PPARGC1A: variants seen among roughly 807,000 people sequenced by gnomAD.
PPARGC1A encodes the protein peroxisome proliferator-activated receptor gamma coactivator 1-alpha.
PPARGC1A carries 25 observed loss-of-function variants against 88.7 expected under a neutral mutation model. The ratio of observed to expected loss-of-function variants is 0.28; its 90% CI spans 0.21 to 0.39. The LOEUF is 0.39. Ranked by LOEUF, PPARGC1A falls within the 10% of genes least tolerant of loss-of-function variation. PPARGC1A has a pLI of 1.00. For missense variants in PPARGC1A, 880 were observed against 968.7 expected (o/e 0.91, Z 1.22); for synonymous variants, 363 against 355.6 (o/e 1.02, Z -0.24).
chr4:24,453,806 C>G, the PPARGC1A span, among the ~76,000 whole-genome samples: 1 of 151,798 alleles, frequency 6.6e-6, no homozygotes, highest in East Asian at 1.9e-4. Context: ...GTCGCTAATT[C>G]CCTCCCCACT....
At chr4:24,230,943 A>G in the PPARGC1A span, among the ~76,000 whole-genome samples, 1 of 120,996 alleles carries the variant, frequency 8.3e-6, no homozygotes, top group East Asian at 3.0e-4. Flanking sequence ...CAGATCACAG[A>G]ATTTATTAAA....
At chr4:24,169,660 A>C in the PPARGC1A span, among the ~76,000 whole-genome samples, 8 of 152,156 alleles carry the variant, frequency 5.3e-5, 1 homozygote, top group Non-Finnish European at 8.8e-5. Context: ...ACCTGAGATT[A>C]GGAGTTCGAG....
chr4:24,459,456 GAA>G, the PPARGC1A span, among the ~76,000 whole-genome samples: 374 of 133,228 alleles, frequency 2.8e-3, no homozygotes, highest in African/African-American at 9.2e-3. Flanking sequence ...TGTAAATAAT[GAA>G]AAAAAAAAAA....
At chr4:24,129,897 A>T in the PPARGC1A span, among the ~76,000 whole-genome samples, 84 of 152,248 alleles carry the variant, frequency 5.5e-4, no homozygotes, top group Non-Finnish European at 1.0e-3. Flanking sequence ...ATCGCCAAGG[A>T]CAAAAAAACC....
At chr4:24,409,257 T>C in the PPARGC1A span, among the ~76,000 whole-genome samples, 3 of 152,256 alleles carry the variant, frequency 2.0e-5, no homozygotes, top group Non-Finnish European at 4.4e-5. Flanking sequence ...TGTGCAGAAT[T>C]GGTAATTCAT....
chr4:24,409,674 G>A, the PPARGC1A span, among the ~76,000 whole-genome samples: 2 of 152,150 alleles, frequency 1.3e-5, no homozygotes, highest in Non-Finnish European at 2.9e-5. Flanking sequence ...TTCTTCACCA[G>A]GGAGGATGTG....
At chr4:24,277,164 C>A in the PPARGC1A span, among the ~76,000 whole-genome samples, 1 of 152,082 alleles carries the variant, frequency 6.6e-6, no homozygotes, top group Non-Finnish European at 1.5e-5. Context: ...GTGCTCACAG[C>A]TCACTGCAGC....
the PPARGC1A span, among the ~76,000 whole-genome samples, chr4:24,276,470 C>T: frequency 6.6e-6 from 1 of 152,152 alleles, no homozygotes; most frequent in Non-Finnish European, 1.5e-5. Context: ...TCTAAACCTG[C>T]GTGACTGGAT....
the PPARGC1A span, among the ~76,000 whole-genome samples, chr4:24,446,032 C>T: frequency 6.6e-6 from 1 of 152,196 alleles, no homozygotes; most frequent in East Asian, 1.9e-4. Flanking sequence ...CGTCATTGCA[C>T]TCCAGCCTGC....
In PPARGC1A at chr4:23,852,696, T is replaced by C. The variant is rs148471763; in HGVS notation, c.235-20945A>G. Reference sequence around the variant, plus strand: ...TCGAGTTCTCTTCTCCCATGAAATATTGGTTAAGCACACCAACATAACTCT... The same window carrying C: ...TCGAGTTCTCTTCTCCCATGAAATACTGGTTAAGCACACCAACATAACTCT... On this transcript the variant is annotated intron_variant, in intron 2 of 12. Coordinates refer to ENST00000264867, the MANE Select transcript of PPARGC1A (RefSeq NM_013261.5). Among the ~76,000 whole-genome samples, 109 of 152,324 alleles carry C rather than the reference T, an allele frequency of 7.2e-4. No homozygotes were observed. In the East Asian group the frequency reaches 0.019, roughly 27 times the overall value.
chr4:23,916,358 GA>G, the PPARGC1A span, among the ~76,000 whole-genome samples: 1 of 152,082 alleles, frequency 6.6e-6, no homozygotes, highest in South Asian at 2.1e-4. Context: ...AAGGCTTTCA[GA>G]AAATGCAGAA....
chr4:23,991,719 C>T, the PPARGC1A span, among the ~76,000 whole-genome samples: 1 of 151,896 alleles, frequency 6.6e-6, no homozygotes, highest in Non-Finnish European at 1.5e-5. Context: ...CTCAAAACAT[C>T]ACACTAACAA....
At chr4:24,132,972 T>C in the PPARGC1A span, among the ~76,000 whole-genome samples, 1 of 152,238 alleles carries the variant, frequency 6.6e-6, no homozygotes, top group Non-Finnish European at 1.5e-5. Context: ...TTTTACCCAT[T>C]ATCAGTCATC....
chr4:23,886,121 C>T (rs1177562497), intron 1 of PPARGC1A, among the ~76,000 whole-genome samples: 1 of 152,136 alleles, frequency 6.6e-6, no homozygotes, highest in Non-Finnish European at 1.5e-5. Context: ...CTTCATCCAC[C>T]TGTAAGTGGG....
chr4:23,926,047 T>G, the PPARGC1A span, among the ~76,000 whole-genome samples: 1 of 152,218 alleles, frequency 6.6e-6, no homozygotes, highest in African/African-American at 2.4e-5. Flanking sequence ...CTCTGAATGC[T>G]GCTTCTCAGT....
rs1024261909 is a variant in PPARGC1A, at chr4:23,793,622, T to C, written c.*2200A>G. 1 of 152,168 alleles carries C rather than the reference T, an allele frequency of 6.6e-6. No homozygotes were observed. 9.4% of individuals were successfully genotyped at this position (152,168 alleles called of 1,614,324 possible). ...CAGCCAAACAGTAATCGAATCTCAA[T>C]TTAGAAACTTGAATACACACTCCAA... On this transcript the variant is annotated 3_prime_UTR_variant, in exon 13 of 13. Coordinates refer to ENST00000264867, the MANE Select transcript of PPARGC1A (RefSeq NM_013261.5).
At chr4:23,912,763 C>A in the PPARGC1A span, among the ~76,000 whole-genome samples, 4 of 151,730 alleles carry the variant, frequency 2.6e-5, no homozygotes, top group Non-Finnish European at 5.9e-5. Context: ...TGTAGCCTTG[C>A]CAGCCTCCAC....
At chr4:23,838,389 G>A (rs140757224) in intron 2 of PPARGC1A, among the ~76,000 whole-genome samples, 4 of 152,234 alleles carry the variant, frequency 2.6e-5, no homozygotes, top group African/African-American at 9.6e-5. Context: ...TCACTCAAAG[G>A]AGGAGTCCTT....
At chr4:23,989,243 C>T in the PPARGC1A span, among the ~76,000 whole-genome samples, 1 of 151,764 alleles carries the variant, frequency 6.6e-6, no homozygotes, top group African/African-American at 2.4e-5. Context: ...CATTTCAATC[C>T]TCGGTTAACA....
Sources: allele counts gnomAD v4.1 joint callset (sites outside exome capture counted in the v4.1 genomes callset), GRCh38; gene constraint gnomAD v4.1.1; transcripts MANE v1.5; gene names NCBI Gene and HGNC (gene_info 2026-07-23, HGNC 2026-07-21).